The following ASDURF variants were observed in gnomAD, a reference collection of about 807,000 sequenced individuals.
ASDURF encodes ASNSD1 upstream open reading frame.
Under a neutral mutation model 3.3 loss-of-function variants are expected in ASDURF, and 3 were observed. That is an observed-to-expected ratio of 0.92 (90% CI 0.42 to 2.37). The LOEUF is 2.37. Ranked by LOEUF, ASDURF falls within the 30% of genes most tolerant of loss-of-function variation. The pLI, the probability that ASDURF is intolerant of heterozygous loss-of-function variation, is 0.05. For synonymous variants in ASDURF, 11 were observed against 8.3 expected, an observed-to-expected ratio of 1.32 and a Z score of -0.55; for missense variants, 23 against 25.4, an observed-to-expected ratio of 0.90 and a Z score of 0.21.
At chr2:189,664,580 A>G (rs2032743407) in intron 2 of ASDURF, among the ~76,000 whole-genome samples, 2 of 152,210 alleles carry the variant, frequency 1.3e-5, no homozygotes, top group Non-Finnish European at 2.9e-5. Context: ...CACTTATGGA[A>G]TATTAGAAGT....
At chr2:189,663,784 A>C in intron 1 of ASDURF, 117 bp from the exon 2 acceptor site, 1 of 344,176 alleles carries the variant, frequency 2.9e-6, no homozygotes, top group Non-Finnish European at 5.3e-6. Flanking sequence ...CCGTTTGGAA[A>C]ACCAGTACAT....
intron 1 of ASDURF, among the ~76,000 whole-genome samples, chr2:189,662,735 TA>T (rs1453796095): frequency 6.6e-6 from 1 of 152,012 alleles, no homozygotes; most frequent in Non-Finnish European, 1.5e-5. Context: ...GTTCACAAAA[TA>T]AATAGAGTTA....
At chr2:189,664,317 G>A (rs1229651334) in intron 2 of ASDURF, among the ~76,000 whole-genome samples, 4 of 152,030 alleles carry the variant, frequency 2.6e-5, no homozygotes, top group African/African-American at 2.4e-5. Flanking sequence ...AAATGAATGT[G>A]GATAATTATT....
At chr2:189,664,734 A>G (rs983375763) in intron 2 of ASDURF, among the ~76,000 whole-genome samples, 6 of 151,760 alleles carry the variant, frequency 4.0e-5, no homozygotes, top group African/African-American at 9.7e-5. Flanking sequence ...GCTACAGAGC[A>G]GGACTCCTTC....
At chr2:189,664,273 A>G (rs2105683321) in intron 2 of ASDURF, among the ~76,000 whole-genome samples, 1 of 152,338 alleles carries the variant, frequency 6.6e-6, no homozygotes, top group South Asian at 2.1e-4. Flanking sequence ...ATATAAACGA[A>G]CTTTATATTG....
rs1159134771 is a variant in ASDURF, at chr2:189,665,391, C to A, written c.160C>A (p.Gln54Lys). 1.8e-5 allele frequency: 7 copies of A among 397,202 alleles called. No homozygotes were observed. Among genetic ancestry groups the A allele is most frequent in the Non-Finnish European group, 3.1e-5 (7 of 225,350 alleles). The allele number at this position is 397,202 out of a possible 1,614,324, so 24.6% of individuals were successfully genotyped here. A position where few individuals can be genotyped will look rare whatever the true frequency, so the allele number is the denominator to read the frequency against. The change falls in exon 3 of 4, where the codon CAA (glutamine) becomes AAA (lysine). Residue 54 changes from glutamine (Q) to lysine (K), a missense_variant. Transcript: ENST00000607829. ...TGTTTTCCAGAAAGTATATAGGCAA[C>A]AACAGAACAGCAATATATTCTTTCT... ...LKKNRKVYRQ[Q>K]QNSNIFFLAD... is the part of the protein sequence containing the mutation.
chr2:189,664,057 T>C (rs1369223424), intron 2 of ASDURF, 103 bp downstream of exon 2: 5 of 341,546 alleles, frequency 1.5e-5, no homozygotes, highest in East Asian at 4.0e-5. Context: ...CATACTTTAA[T>C]AAAATGTATA....
chr2:189,666,311 T>G lies in ASDURF; in HGVS notation c.*200T>G, dbSNP rs1270037426. ...CACGTCCTACACTTGAGGGGTGTTT[T>G]GACTACCCAGCCTGTGGAAGATGAA... On this transcript the variant is annotated 3_prime_UTR_variant, in exon 4 of 4. Coordinates refer to ENST00000607829, the MANE Select transcript of ASDURF (RefSeq NM_001353493.2). 1 of 1,614,010 alleles carries G rather than the reference T, an allele frequency of 6.2e-7. No homozygotes were observed.
intron 1 of ASDURF, among the ~76,000 whole-genome samples, chr2:189,662,043 C>G (rs1245559912): frequency 1.3e-5 from 2 of 152,160 alleles, no homozygotes; most frequent in Non-Finnish European, 2.9e-5. Context: ...CCTTTATCAC[C>G]GTGAACACTC....
At chr2:189,665,610 A>G (rs1353667938) in intron 3 of ASDURF, among the ~76,000 whole-genome samples, 159 bp downstream of exon 3, 1,184 of 20,216 alleles carry the variant, frequency 0.059, 42 homozygotes, top group South Asian at 0.17. Flanking sequence ...ATATATATAT[A>G]TATATATATA....
In ASDURF at chr2:189,666,163, T is replaced by C; in HGVS notation, c.*52T>C. On this transcript the variant is annotated 3_prime_UTR_variant, in exon 4 of 4. Transcript: ENST00000607829. ...TGGCATTTGTTGTTCTGTAAACTTTTCTGCTGAGCATTTCAGTCAAGATTT... is the reference window on the plus strand; with the variant it reads ...TGGCATTTGTTGTTCTGTAAACTTTCCTGCTGAGCATTTCAGTCAAGATTT... 1 of 1,590,756 alleles carries C rather than the reference T, an allele frequency of 6.3e-7. No individual in the cohort carries two copies. The highest frequency in any genetic ancestry group is 1.2e-5 in the South Asian group (1 of 86,508).
Position 189,661,799 on chromosome 2 carries a change from A to G in ASDURF, c.90+189A>G, listed in dbSNP as rs545286797. 3.9e-5 allele frequency among the ~76,000 whole-genome samples: 6 copies of G among 152,324 alleles called. 1 individual carries two copies. The South Asian group carries it at 1.2e-3, about 32-fold the overall frequency. ...TTATTTTCTGAAAACAGTTGCGAAA[A>G]GGGAGATCTTGAAATTTGTCCCGAG... On this transcript the variant is annotated intron_variant, in intron 1 of 3. Coordinates refer to ENST00000607829, the MANE Select transcript of ASDURF (RefSeq NM_001353493.2).
At chr2:189,665,583 G>C (rs1367138954) in intron 3 of ASDURF, 132 bp downstream of exon 3, 2 of 154,978 alleles carry the variant, frequency 1.3e-5, no homozygotes, top group Non-Finnish European at 1.2e-5. Context: ...TGAGTCAACA[G>C]TTATATATAT....
rs71023704 is a variant in ASDURF at position 189,665,596 on chromosome 2, G to GTATATATATATA, written c.220+146_220+147insATATATATATAT. On this transcript the variant is annotated intron_variant, in intron 3 of 3. Transcript: ENST00000607829. The stretch of plus-strand genomic sequence containing the variant: ...GATGAGTCAACAGTTATATATATAT[G>GTATATATATATA]TGTATATATATATATATATATATAT... 4.5e-5 allele frequency: 5 copies of GTATATATATATA among 111,486 alleles called. 1 individual carries two copies. Among genetic ancestry groups the GTATATATATATA allele is most frequent in the African/African-American group, 2.0e-4 (5 of 25,226 alleles). 6.9% of individuals were successfully genotyped at this position (111,486 alleles called of 1,614,324 possible).
At chr2:189,665,015 C>G (rs1357565807) in intron 2 of ASDURF, among the ~76,000 whole-genome samples, 1 of 152,180 alleles carries the variant, frequency 6.6e-6, no homozygotes, top group African/African-American at 2.4e-5. Context: ...TATATTATAT[C>G]TATATAGCAG....
rs1456553761 is a variant in ASDURF, at chr2:189,666,314, C to T, written c.*203C>T. The stretch of plus-strand genomic sequence containing the variant: ...GTCCTACACTTGAGGGGTGTTTTGA[C>T]TACCCAGCCTGTGGAAGATGAAAGA... On this transcript the variant is annotated 3_prime_UTR_variant, in exon 4 of 4. Coordinates refer to ENST00000607829, the MANE Select transcript of ASDURF (RefSeq NM_001353493.2). 6.2e-7 allele frequency: 1 copy of T among 1,613,682 alleles called. No homozygotes were observed. The highest frequency in any genetic ancestry group is 8.5e-7 in the Non-Finnish European group (1 of 1,179,880).
In ASDURF at chr2:189,666,298, T is replaced by G; in HGVS notation, c.*187T>G. 1 of 1,614,048 alleles carries G rather than the reference T, an allele frequency of 6.2e-7. No individual in the cohort carries two copies. The highest frequency in any genetic ancestry group is 8.5e-7 in the Non-Finnish European group (1 of 1,179,962). On this transcript the variant is annotated 3_prime_UTR_variant, in exon 4 of 4. Transcript: ENST00000607829. ...TTTATTTTCTGCTCACGTCCTACAC[T>G]TGAGGGGTGTTTTGACTACCCAGCC... is the stretch of plus-strand genomic sequence containing the variant.
intron 1 of ASDURF, among the ~76,000 whole-genome samples, chr2:189,662,819 C>G (rs1340715011): frequency 6.6e-6 from 1 of 152,028 alleles, no homozygotes; most frequent in Non-Finnish European, 1.5e-5. Flanking sequence ...CATGGTGGCC[C>G]AGGCCTGTAG....
At chr2:189,665,872 A>G (rs1247997744) in intron 3 of ASDURF, among the ~76,000 whole-genome samples, 169 bp from the exon 4 acceptor site, 1 of 152,018 alleles carries the variant, frequency 6.6e-6, no homozygotes, top group Non-Finnish European at 1.5e-5. Context: ...TTTCTAAAAG[A>G]TAAACATTCT....
Sources: gnomAD v4.1 joint callset for allele counts (sites outside exome capture counted in the v4.1 genomes callset) on GRCh38, gnomAD v4.1.1 for gene constraint, MANE v1.5 for transcripts, NCBI Gene and HGNC (gene_info 2026-07-23, HGNC 2026-07-21) for gene names.